Variants in PRELID2 observed in about 807,000 individuals in gnomAD.
PRELID2 encodes PRELI domain-containing protein 2.
PRELID2 carries 25 observed loss-of-function variants against 28.4 expected under a neutral mutation model. That is an observed-to-expected ratio of 0.88 (90% CI 0.64 to 1.23). The LOEUF is 1.23. Among genes scored for constraint, PRELID2 ranks in the 50% most tolerant of loss-of-function variants. The pLI is 0.00. For missense variants in PRELID2, 201 were observed against 214.4 expected, an observed-to-expected ratio of 0.94 and a Z score of 0.39; for synonymous variants, 76 against 71.6, an observed-to-expected ratio of 1.06 and a Z score of -0.31.
chr5:145,381,373 A>G, the PRELID2 span, among the ~76,000 whole-genome samples: 1 of 152,146 alleles, frequency 6.6e-6, no homozygotes, highest in Non-Finnish European at 1.5e-5. Context: ...AGCCCCAAAA[A>G]TCTACATATT....
At chr5:145,284,049 T>C in the PRELID2 span, among the ~76,000 whole-genome samples, 2 of 152,188 alleles carry the variant, frequency 1.3e-5, no homozygotes, top group East Asian at 3.8e-4. Flanking sequence ...TACTGTTTTC[T>C]AGGTGCTTGA....
At chr5:145,509,395 T>C (rs1027544369) in intron 1 of PRELID2, among the ~76,000 whole-genome samples, 2 of 152,210 alleles carry the variant, frequency 1.3e-5, no homozygotes, top group Non-Finnish European at 2.9e-5. Context: ...TATGACAAGA[T>C]GCTTTTATTT....
intron 3 of PRELID2, chr5:145,819,524 G>A (rs748545103): frequency 9.0e-6 from 6 of 665,280 alleles, no homozygotes; most frequent in Non-Finnish European, 1.6e-5. Flanking sequence ...CTTATACTCT[G>A]GGAAATAACT....
At chr5:145,555,445 C>T (rs893899726) in intron 1 of PRELID2, among the ~76,000 whole-genome samples, 30 of 152,182 alleles carry the variant, frequency 2.0e-4, no homozygotes, top group African/African-American at 7.2e-4. Flanking sequence ...TCACTTCAAA[C>T]AATGTCAATA....
chr5:145,525,193 C>G (rs979633173), intron 1 of PRELID2, among the ~76,000 whole-genome samples: 1 of 152,184 alleles, frequency 6.6e-6, no homozygotes, highest in African/African-American at 2.4e-5. Context: ...TGCCCAACAT[C>G]AGACAGTGAG....
At chr5:145,288,209 AG>A in the PRELID2 span, among the ~76,000 whole-genome samples, 1 of 152,176 alleles carries the variant, frequency 6.6e-6, no homozygotes, top group Middle Eastern at 3.2e-3. Context: ...ACACTTTAAG[AG>A]GTAGAAAGTT....
chr5:145,743,113 A>G (rs189343689), intron 1 of PRELID2, among the ~76,000 whole-genome samples: 59 of 152,198 alleles, frequency 3.9e-4, no homozygotes, highest in African/African-American at 1.4e-3. Flanking sequence ...AGAGGCTCCT[A>G]TGCAAAAGAA....
At chr5:145,554,177 A>G (rs1320840249) in intron 1 of PRELID2, among the ~76,000 whole-genome samples, 1 of 152,218 alleles carries the variant, frequency 6.6e-6, no homozygotes, top group Non-Finnish European at 1.5e-5. Flanking sequence ...AATACATTAC[A>G]GCTAAAGAAA....
chr5:145,743,275 T>C (rs888458549), intron 1 of PRELID2, among the ~76,000 whole-genome samples: 3 of 151,532 alleles, frequency 2.0e-5, no homozygotes, highest in Non-Finnish European at 2.9e-5. Context: ...CCAGGCATGA[T>C]GGCGGCATGC....
intron 1 of PRELID2, among the ~76,000 whole-genome samples, chr5:145,659,383 C>T (rs565587690): frequency 3.2e-4 from 48 of 152,266 alleles, no homozygotes; most frequent in African/African-American, 1.1e-3. Context: ...TTTATTTCAC[C>T]GTATCAGACT....
intron 1 of PRELID2, among the ~76,000 whole-genome samples, chr5:145,615,783 C>T (rs971920031): frequency 2.6e-5 from 4 of 152,162 alleles, no homozygotes; most frequent in Admixed American, 2.0e-4. Flanking sequence ...TGTCTGTGTA[C>T]ATTGTTTTAA....
chr5:145,368,550 T>C, the PRELID2 span, among the ~76,000 whole-genome samples: 4 of 151,912 alleles, frequency 2.6e-5, no homozygotes, highest in African/African-American at 9.7e-5. Context: ...AATATATACT[T>C]AGTATGTCTG....
chr5:145,596,833 A>T (rs1206304492), intron 1 of PRELID2, among the ~76,000 whole-genome samples: 2 of 152,172 alleles, frequency 1.3e-5, no homozygotes, highest in Non-Finnish European at 2.9e-5. Context: ...TGCATATCTT[A>T]AATATAACTT....
At chr5:145,790,459 G>A (rs1752295334) in intron 5 of PRELID2, among the ~76,000 whole-genome samples, 1 of 152,006 alleles carries the variant, frequency 6.6e-6, no homozygotes, top group Non-Finnish European at 1.5e-5. Flanking sequence ...GTAGAATGGT[G>A]GTTATCTGAG....
chr5:145,693,838 A>G (rs1019599419), intron 1 of PRELID2, among the ~76,000 whole-genome samples: 1 of 152,232 alleles, frequency 6.6e-6, no homozygotes, highest in African/African-American at 2.4e-5. Context: ...GAAACACTCT[A>G]TAGACTTTAC....
At chr5:145,741,518 AT>A (rs1305296477) in intron 1 of PRELID2, among the ~76,000 whole-genome samples, 1 of 120,508 alleles carries the variant, frequency 8.3e-6, no homozygotes, top group East Asian at 2.5e-4. Flanking sequence ...TTTATAAATA[AT>A]TTATTTATAT....
the PRELID2 span, among the ~76,000 whole-genome samples, chr5:145,304,240 A>G: frequency 6.6e-6 from 1 of 152,202 alleles, no homozygotes; most frequent in African/African-American, 2.4e-5. Flanking sequence ...TATAAATCAA[A>G]TGTTCACAGC....
intron 1 of PRELID2, among the ~76,000 whole-genome samples, chr5:145,640,186 T>C (rs950963184): frequency 6.6e-6 from 1 of 151,740 alleles, no homozygotes; most frequent in Non-Finnish European, 1.5e-5. Flanking sequence ...ACTGAAAAAA[T>C]ACAAAAAAAT....
chr5:145,666,085 A>G (rs898118197), intron 1 of PRELID2, among the ~76,000 whole-genome samples: 4 of 151,854 alleles, frequency 2.6e-5, no homozygotes, highest in African/African-American at 4.8e-5. Flanking sequence ...CTGGATCAAG[A>G]TGCTCAAATT....
Sources: allele counts gnomAD v4.1 joint callset (sites outside exome capture counted in the v4.1 genomes callset), GRCh38; gene constraint gnomAD v4.1.1; transcripts MANE v1.5; gene names NCBI Gene and HGNC (gene_info 2026-07-23, HGNC 2026-07-21).